Variants in ZFHX2 observed in about 807,000 individuals in gnomAD.
ZFHX2 encodes the protein zinc finger homeobox 2, also known as zinc finger homeobox protein 2.
ZFHX2 carries 75 observed loss-of-function variants against 164.8 expected under a neutral mutation model. The observed-to-expected ratio is 0.46, with a 90% CI of 0.38 to 0.55. The LOEUF (loss-of-function observed/expected upper bound fraction) is 0.55, where lower values mean the gene tolerates loss of function less well. Among genes scored for constraint, ZFHX2 ranks in the 20% least tolerant of loss-of-function variants. The pLI is 0.00. For missense variants in ZFHX2, 2,933 were observed against 3,308.0 expected (o/e 0.89, Z 2.78); for synonymous variants, 1,217 against 1,351.4 (o/e 0.90, Z 2.18).
chr14:23,532,591 G>A lies in ZFHX2; in HGVS notation c.2535C>T (p.His845=), dbSNP rs1334069711. 30 of 1,441,358 alleles carry A rather than the reference G, an allele frequency of 2.1e-5. No individual in the cohort carries two copies. The highest frequency in any genetic ancestry group is 4.3e-5 in the African/African-American group (3 of 69,818). The allele number at this position is 1,441,358 out of a possible 1,614,324, so 89.3% of individuals were successfully genotyped here. A position where few individuals can be genotyped will look rare whatever the true frequency, so the allele number is the denominator to read the frequency against. Residue 845 remains histidine (H), a synonymous_variant, in exon 3 of 10, where the codon CAC becomes CAT. Transcript: ENST00000419474. ...CCTTATAGATTTGGCTGTTTTCTTC[G>A]TGGGCTGCACCCCTGGCATGCAGCT... ...KMQLHARGAA[H]EENSQIYKFL...
rs1275454295 is a variant in ZFHX2, at chr14:23,535,163, C to T, written c.163G>A (p.Glu55Lys). ...SSTSENMRSSEPGGQLLESGC... is the reference protein window; with the variant it reads ...SSTSENMRSSKPGGQLLESGC... ...GACTCCAGGAGCTGTCCCCCTGGCT[C>T]TGAGGACCTCATGTTCTCAGAGGTG... Residue 55 changes from glutamate (E) to lysine (K), a missense_variant, in exon 2 of 10, where the codon GAG (glutamate) becomes AAG (lysine). Glu to Lys is a moderately conservative substitution (Grantham distance 56). Transcript: ENST00000419474. This position sits in a 1 kb window ranked among gnomAD's most constrained non-coding sequence, Gnocchi z 4.5. 2 of 1,535,566 alleles carry T rather than the reference C, an allele frequency of 1.3e-6. No homozygotes were observed. Among genetic ancestry groups the T allele is most frequent in the Non-Finnish European group, 1.7e-6 (2 of 1,146,436 alleles).
At chr14:23,530,375 A>G (rs1167597510) in intron 4 of ZFHX2, 181 bp from the exon 5 acceptor site, 3 of 700,712 alleles carry the variant, frequency 4.3e-6, no homozygotes, top group Non-Finnish European at 2.6e-6. Flanking sequence ...ATAGAGGGAA[A>G]ATTACAGTAT....
At chr14:23,539,388 G>A (rs1237876965) in intron 1 of ZFHX2, among the ~76,000 whole-genome samples, 1 of 152,142 alleles carries the variant, frequency 6.6e-6, no homozygotes, top group Non-Finnish European at 1.5e-5. Flanking sequence ...ATGGAGGTGG[G>A]AAGATACACA....
rs575880252 is a variant in ZFHX2 at position 23,530,176 on chromosome 14, G to T, written c.2819C>A (p.Pro940His). The T allele has an allele frequency of 7.8e-6, 12 of 1,535,844 alleles. No homozygotes were observed. Among genetic ancestry groups the T allele is most frequent in the Admixed American group, 3.9e-5 (2 of 50,968 alleles). ...LRTPGKAPVT[P>H]LAEPPTPEKD... ...CTCAGGGGTGGGTGGCTCAGCTAAG[G>T]GGGTGACAGGAGCCTTCCCTGTGTA... The change falls in exon 5 of 10, where the codon CCC (proline) becomes CAC (histidine). Residue 940 changes from proline (P) to histidine (H), a missense_variant. Transcript: ENST00000419474.
chr14:23,536,095 C>T (rs1053310663), intron 1 of ZFHX2, among the ~76,000 whole-genome samples: 5 of 152,186 alleles, frequency 3.3e-5, no homozygotes, highest in African/African-American at 1.2e-4. Context: ...TCCTGGGGCC[C>T]GCTGAAATCC....
Position 23,533,823 on chromosome 14 carries a change from G to A in ZFHX2, c.1503C>T (p.Tyr501=). 6.5e-7 allele frequency: 1 copy of A among 1,543,364 alleles called. No homozygotes were observed. Among genetic ancestry groups the A allele is most frequent in the Non-Finnish European group, 8.7e-7 (1 of 1,150,588 alleles). Residue 501 remains tyrosine (Y), a synonymous_variant, in exon 2 of 10, where the codon TAC becomes TAT. Transcript: ENST00000419474. The surrounding 1 kb of genome is among the most constrained non-coding windows in gnomAD (Gnocchi z 4.8). ...AGCGGTAGGGTTTGTAGCCACAGTT[G>A]TAGCTCTCTCCACGAGCAAGGCGGG... ...AHPRLARGES[Y]NCGYKPYRCD...
At position 23,534,162 on chromosome 14, in the gene ZFHX2, TG is replaced by T; in HGVS notation, c.1163del (p.Pro388HisfsTer34). 6.8e-7 allele frequency: 1 copy of T among 1,471,890 alleles called. No individual in the cohort carries two copies. The highest frequency in any genetic ancestry group is 9.0e-7 in the Non-Finnish European group (1 of 1,115,504). The allele number at this position is 1,471,890 out of a possible 1,614,324, so 91.2% of individuals were successfully genotyped here. On this transcript the variant is annotated frameshift_variant, in exon 2 of 10. Coordinates refer to ENST00000419474, the MANE Select transcript of ZFHX2 (RefSeq NM_033400.3). LOFTEE classifies it high-confidence loss of function. The surrounding 1 kb of genome is among the most constrained non-coding windows in gnomAD (Gnocchi z 4.5). ...GQEEDGGLCP[P>X]LNQSSPTSKE... Reference sequence around the variant, plus strand: ...TGGAGGTGGGTGAGCTTTGGTTGAGTGGGGGGCAGAGCCCTCCATCCTCTTC... The same window carrying T: ...TGGAGGTGGGTGAGCTTTGGTTGAGTGGGGGCAGAGCCCTCCATCCTCTTC...
In ZFHX2 at chr14:23,525,943, G is replaced by A. The variant is rs970898642; in HGVS notation, c.3999C>T (p.His1333=). ...LSPPPPPLDL[H]RFPAPLFTPP... is the part of the protein sequence containing the mutation. The stretch of plus-strand genomic sequence containing the variant: ...GGGTGAAGAGAGGGGCTGGGAATCG[G>A]TGCAGGTCCAAGGGAGGTGGGGGAG... The change falls in exon 9 of 10, where the codon CAC becomes CAT. Residue 1333 remains histidine, a synonymous_variant. Coordinates refer to ENST00000419474, the MANE Select transcript of ZFHX2 (RefSeq NM_033400.3). The surrounding 1 kb of genome is among the most constrained non-coding windows in gnomAD (Gnocchi z 5.9). The A allele has an allele frequency of 4.6e-5, 69 of 1,489,160 alleles. No individual in the cohort carries two copies. The highest frequency in any genetic ancestry group is 5.6e-5 in the Non-Finnish European group (63 of 1,122,780). The allele number at this position is 1,489,160 out of a possible 1,614,324, so 92.2% of individuals were successfully genotyped here.
chr14:23,548,069 C>T (rs17184212), intron 1 of ZFHX2, among the ~76,000 whole-genome samples: 59,716 of 152,060 alleles, frequency 0.39, 14,099 homozygotes, highest in African/African-American at 0.67. Flanking sequence ...CGATCCCTTC[C>T]CTCTGCATTC....
chr14:23,533,646 G>T lies in ZFHX2; in HGVS notation c.1680C>A (p.Asp560Glu). 1 of 1,537,056 alleles carries T rather than the reference G, an allele frequency of 6.5e-7. No individual in the cohort carries two copies. Among genetic ancestry groups the T allele is most frequent in the Non-Finnish European group, 8.7e-7 (1 of 1,147,112 alleles). ...AGGATGATTTGGTCTTAGGCTCTTTGTCTCCCGCGGAGGGTGGGAGTGATG... is the reference window on the plus strand; with the variant it reads ...AGGATGATTTGGTCTTAGGCTCTTTTTCTCCCGCGGAGGGTGGGAGTGATG... ...PEASLPPSAG[D>E]KEPKTKSSWQ... Residue 560 changes from aspartate to glutamate, a missense_variant, in exon 2 of 10, where the codon GAC (aspartate) becomes GAA (glutamate). Asp to Glu is a conservative substitution (Grantham distance 45). Transcript: ENST00000419474. This position sits in a 1 kb window ranked among gnomAD's most constrained non-coding sequence, Gnocchi z 4.8.
upstream of ZFHX2, among the ~76,000 whole-genome samples, chr14:23,553,408 T>C (rs1882118649): frequency 6.6e-6 from 1 of 150,596 alleles, no homozygotes; most frequent in African/African-American, 2.5e-5. Flanking sequence ...GAGACCAGCC[T>C]GACCAACATG....
chr14:23,529,865 A>G, intron 5 of ZFHX2, 97 bp from the exon 6 acceptor site: 1 of 1,279,022 alleles, frequency 7.8e-7, no homozygotes, highest in Non-Finnish European at 1.1e-6. Flanking sequence ...CACTAGAGAA[A>G]GGGCAGGAAA....
At chr14:23,528,618 AG>A (rs1300141194) in intron 6 of ZFHX2, 1 of 985,218 alleles carries the variant, frequency 1.0e-6, no homozygotes, top group Non-Finnish European at 1.2e-6. Context: ...TCACCTGGAA[AG>A]GGGCCCTACC....
chr14:23,552,485 G>A (rs1483827170), upstream of ZFHX2, among the ~76,000 whole-genome samples: 1 of 152,050 alleles, frequency 6.6e-6, no homozygotes, highest in Non-Finnish European at 1.5e-5. Flanking sequence ...TAGAGACGGG[G>A]TTTCACCACG....
chr14:23,530,379 A>G, intron 4 of ZFHX2, 185 bp from the exon 5 acceptor site: 1 of 699,352 alleles, frequency 1.4e-6, no homozygotes, highest in Non-Finnish European at 2.6e-6. Flanking sequence ...AGGGAAAATT[A>G]CAGTATTAGA....
intron 1 of ZFHX2, among the ~76,000 whole-genome samples, chr14:23,539,792 G>A (rs118187305): frequency 1.3e-5 from 2 of 152,268 alleles, no homozygotes; most frequent in Non-Finnish European, 2.9e-5. Context: ...GCTCCCTAGT[G>A]GTTACAGAGG....
Position 23,526,638 on chromosome 14 carries a change from G to A in ZFHX2, c.3304C>T (p.Pro1102Ser), listed in dbSNP as rs779121688. 9 of 1,535,906 alleles carry A rather than the reference G, an allele frequency of 5.9e-6. No homozygotes were observed. The highest frequency in any genetic ancestry group is 2.6e-6 in the Non-Finnish European group (3 of 1,146,884). Residue 1102 changes from proline (P) to serine (S), a missense_variant, in exon 9 of 10, where the codon CCT becomes TCT. By Grantham distance (74) the Pro-to-Ser change is moderately conservative. Transcript: ENST00000419474. ...LTPEASPDPL[P>S]EPPLASVEVP... The stretch of plus-strand genomic sequence containing the variant: ...TCAACTGAGGCCAGGGGAGGCTCAG[G>A]AAGAGGATCTGGACTGGCTTCTGGG...
chr14:23,525,404 C>T lies in ZFHX2; in HGVS notation c.4538G>A (p.Ser1513Asn), dbSNP rs1566575402. The stretch of plus-strand genomic sequence containing the variant: ...CTTTCGAAACTGAGCAGCATAACGG[C>T]TCAGGGCTTCAAAGGGCAGAAAGCG... ...HRRFLPFEALSRYAAQFRKSY... is the reference protein window; with the variant it reads ...HRRFLPFEALNRYAAQFRKSY... Residue 1513 changes from serine (S) to asparagine (N), a missense_variant, in exon 9 of 10, where the codon AGC (serine) becomes AAC (asparagine). Coordinates refer to ENST00000419474, the MANE Select transcript of ZFHX2 (RefSeq NM_033400.3). This position sits in a 1 kb window ranked among gnomAD's most constrained non-coding sequence, Gnocchi z 5.9. 3 of 1,536,010 alleles carry T rather than the reference C, an allele frequency of 2.0e-6. No homozygotes were observed. The highest frequency in any genetic ancestry group is 2.4e-5 in the East Asian group (1 of 40,912).
chr14:23,534,691 A>G lies in ZFHX2; in HGVS notation c.635T>C (p.Leu212Pro). 6.5e-7 allele frequency: 1 copy of G among 1,536,214 alleles called. No homozygotes were observed. The highest frequency in any genetic ancestry group is 8.7e-7 in the Non-Finnish European group (1 of 1,146,922). Reference protein sequence around the residue: ...ERHGAFWSYQLAPNPPGDPKD... With the variant: ...ERHGAFWSYQPAPNPPGDPKD... ...GGGATCTCCGGGTGGATTTGGAGCC[A>G]GCTGGTAGCTCCAGAAAGCTCCATG... The change falls in exon 2 of 10, where the codon CTG becomes CCG. Residue 212 changes from leucine (L) to proline (P), a missense_variant. Physicochemically the swap from Leu to Pro is moderately conservative, Grantham distance 98. Coordinates refer to ENST00000419474, the MANE Select transcript of ZFHX2 (RefSeq NM_033400.3). The surrounding 1 kb of genome is among the most constrained non-coding windows in gnomAD (Gnocchi z 4.5).
Sources: gnomAD v4.1 joint callset for allele counts (sites outside exome capture counted in the v4.1 genomes callset) on GRCh38, gnomAD v4.1.1 for gene constraint, Gnocchi (gnomAD v3.1) non-coding constraint, MANE v1.5 for transcripts, NCBI Gene and HGNC (gene_info 2026-07-23, HGNC 2026-07-21) for gene names.